The following CDKL3 variants were observed in gnomAD, a reference collection of about 807,000 sequenced individuals.
The protein encoded by CDKL3 is cyclin-dependent kinase-like 3.
Under a neutral mutation model 69.3 loss-of-function variants are expected in CDKL3, and 65 were observed. The observed-to-expected ratio is 0.94, with a 90% CI of 0.77 to 1.15. The LOEUF is 1.15. Among genes scored for constraint, CDKL3 ranks in the 50% most tolerant of loss-of-function variants. The pLI, the probability that CDKL3 is intolerant of heterozygous loss-of-function variation, is 0.00. For synonymous variants in CDKL3, 202 were observed against 221.6 expected (o/e 0.91, Z 0.79); for missense variants, 652 against 689.2 (o/e 0.95, Z 0.61).
At chr5:134,298,352 T>G, downstream of CDKL3, 1 of 1,097,134 alleles carries the variant, frequency 9.1e-7, no homozygotes, top group Non-Finnish European at 1.1e-6. Flanking sequence ...CAGAGATCAT[T>G]AAGTATAAGT....
upstream of CDKL3, chr5:134,370,894 C>T (rs1476621092): frequency 1.3e-5 from 2 of 152,546 alleles, no homozygotes; most frequent in African/African-American, 4.8e-5. Flanking sequence ...GCTGTTGATT[C>T]TGCCATGACC....
intron 4 of CDKL3, among the ~76,000 whole-genome samples, chr5:134,329,601 C>T: frequency 6.6e-6 from 1 of 150,622 alleles, no homozygotes; most frequent in East Asian, 2.0e-4. Flanking sequence ...TCCAGAGTAG[C>T]TGGGATTACA....
intron 4 of CDKL3, among the ~76,000 whole-genome samples, chr5:134,339,233 G>A (rs1749833795): frequency 6.6e-6 from 1 of 152,008 alleles, no homozygotes; most frequent in African/African-American, 2.4e-5. Flanking sequence ...CCAGCAAAAG[G>A]CAGAGACTGT....
At chr5:134,322,979 C>CAA (rs545839607) in intron 4 of CDKL3, among the ~76,000 whole-genome samples, 5 of 110,894 alleles carry the variant, frequency 4.5e-5, no homozygotes, top group African/African-American at 6.5e-5. Context: ...AACTCAGTCT[C>CAA]AAAAAAAAAA....
chr5:134,298,885 G>T (rs774628769), intron 12 of CDKL3, among the ~76,000 whole-genome samples, 175 bp from the exon 13 acceptor site: 3 of 151,486 alleles, frequency 2.0e-5, no homozygotes, highest in Admixed American at 1.3e-4. Flanking sequence ...TTTTTTGCGG[G>T]GGGCAGCGGG....
intron 4 of CDKL3, among the ~76,000 whole-genome samples, chr5:134,328,699 C>T (rs919951113): frequency 7.9e-5 from 12 of 152,056 alleles, no homozygotes; most frequent in African/African-American, 2.9e-4. Flanking sequence ...ACAATAAGCA[C>T]AAAGAAATCC....
intron 4 of CDKL3, among the ~76,000 whole-genome samples, chr5:134,326,880 T>C (rs941626247): frequency 2.9e-5 from 4 of 140,320 alleles, no homozygotes; most frequent in South Asian, 2.3e-4. Flanking sequence ...CACACACACA[T>C]AGTCCTTATA....
Position 134,322,472 on chromosome 5 carries a change from T to C in CDKL3, c.540-569A>G, listed in dbSNP as rs192469867. 2.6e-5 allele frequency among the ~76,000 whole-genome samples: 4 copies of C among 152,340 alleles called. No homozygotes were observed. In the East Asian group the frequency reaches 7.7e-4, roughly 29 times the overall value. ...AAAATTGGCAAAAGCCACCAAAATT[T>C]AAATTGTATATATTTTTTATTGTAC... On this transcript the variant is annotated intron_variant, in intron 4 of 12. Transcript: ENST00000265334.
At position 134,366,506 on chromosome 5, in the gene CDKL3, G is replaced by A; in HGVS notation, c.18C>T (p.Thr6=). Residue 6 remains threonine (T), a synonymous_variant, in exon 2 of 13, where the codon ACC becomes ACT. Transcript: ENST00000265334. MEMYE[T]LGKVGEGSYG... is the part of the protein sequence containing the mutation. The stretch of plus-strand genomic sequence containing the variant: ...AACTTCCCTCTCCCACTTTTCCAAG[G>A]GTTTCATACATCTCCATTTTCAAGC... 1 of 1,600,490 alleles carries A rather than the reference G, an allele frequency of 6.2e-7. No homozygotes were observed. Among genetic ancestry groups the A allele is most frequent in the Non-Finnish European group, 8.5e-7 (1 of 1,175,096 alleles).
At chr5:134,365,261 G>C (rs1355816845) in intron 2 of CDKL3, among the ~76,000 whole-genome samples, 2 of 152,062 alleles carry the variant, frequency 1.3e-5, no homozygotes, top group Non-Finnish European at 2.9e-5. Context: ...GGGAGCGTGA[G>C]CCACCGCACC....
intron 12 of CDKL3, among the ~76,000 whole-genome samples, chr5:134,301,660 T>G (rs1241182493): frequency 6.6e-6 from 1 of 151,998 alleles, no homozygotes; most frequent in African/African-American, 2.4e-5. Context: ...GGCGGGTGGA[T>G]CACGAGGTCA....
chr5:134,361,729 C>T (rs188848647), intron 2 of CDKL3, among the ~76,000 whole-genome samples: 42 of 152,266 alleles, frequency 2.8e-4, no homozygotes, highest in African/African-American at 9.6e-4. Flanking sequence ...CATGGTGAAA[C>T]ACCGTCTCTA....
At chr5:134,347,083 A>T (rs1752082677) in intron 4 of CDKL3, among the ~76,000 whole-genome samples, 1 of 152,178 alleles carries the variant, frequency 6.6e-6, no homozygotes, top group Non-Finnish European at 1.5e-5. Flanking sequence ...CCTCCATAGT[A>T]ATGAAATATG....
downstream of CDKL3, among the ~76,000 whole-genome samples, chr5:134,285,594 G>A (rs916912140): frequency 4.6e-5 from 7 of 152,220 alleles, no homozygotes; most frequent in East Asian, 1.9e-4. Flanking sequence ...TGCCGCAAAC[G>A]TCTCTGACAT....
intron 8 of CDKL3, among the ~76,000 whole-genome samples, chr5:134,288,082 T>TG (rs1245861865): frequency 6.6e-6 from 1 of 152,042 alleles, no homozygotes; most frequent in Non-Finnish European, 1.5e-5. Flanking sequence ...TTAGTACAGA[T>TG]GGGGTTTCTC....
At chr5:134,371,275 G>C (rs922193273), upstream of CDKL3, 6 of 472,772 alleles carry the variant, frequency 1.3e-5, no homozygotes, top group East Asian at 4.2e-5. Flanking sequence ...ACAACCTCTA[G>C]TCTGAACACA....
chr5:134,366,608 T>C, intron 1 of CDKL3, 64 bp from the exon 2 acceptor site: 1 of 985,726 alleles, frequency 1.0e-6, no homozygotes, highest in Non-Finnish European at 1.5e-6. Flanking sequence ...TTATTAAAAC[T>C]AGATAATGCA....
chr5:134,342,994 C>T (rs1231511201), intron 4 of CDKL3, among the ~76,000 whole-genome samples: 1 of 152,138 alleles, frequency 6.6e-6, no homozygotes, highest in Admixed American at 6.5e-5. Flanking sequence ...TGCTTGAGCC[C>T]AGCCATTCAA....
chr5:134,322,727 A>C (rs1285903177), intron 4 of CDKL3, among the ~76,000 whole-genome samples: 1 of 152,196 alleles, frequency 6.6e-6, no homozygotes, highest in Non-Finnish European at 1.5e-5. Flanking sequence ...CATGCCTGTA[A>C]TCCCAGCACT....
Sources: allele counts gnomAD v4.1 joint callset (sites outside exome capture counted in the v4.1 genomes callset), GRCh38; gene constraint gnomAD v4.1.1; transcripts MANE v1.5; gene names NCBI Gene and HGNC (gene_info 2026-07-23, HGNC 2026-07-21).